The following FAM177A1 variants were observed in gnomAD, a reference collection of about 807,000 sequenced individuals.
FAM177A1 encodes protein FAM177A1.
A neutral mutation model predicts 26.1 loss-of-function variants in FAM177A1; 22 were observed. The ratio of observed to expected loss-of-function variants is 0.84; its 90% CI spans 0.60 to 1.20. The LOEUF is 1.20. FAM177A1 is among the 50% of genes most tolerant of loss of function. FAM177A1 has a pLI of 0.00. For missense variants in FAM177A1, 296 were observed against 291.1 expected (o/e 1.02, Z -0.12); for synonymous variants, 95 against 99.3 (o/e 0.96, Z 0.26).
chr14:35,046,319 C>T lies in FAM177A1; in HGVS notation c.-145C>T, dbSNP rs777535071. Reference sequence around the variant, plus strand: ...GGGGTGCGGAGCCCGGCGGGCTAGGCGAGGCGCGGGCTGGCCCCGCCCCTC... The same window carrying T: ...GGGGTGCGGAGCCCGGCGGGCTAGGTGAGGCGCGGGCTGGCCCCGCCCCTC... On this transcript the variant is annotated 5_prime_UTR_variant, in exon 1 of 5. Coordinates refer to ENST00000280987, the MANE Select transcript of FAM177A1 (RefSeq NM_173607.5). 1,686 of 995,846 alleles carry T rather than the reference C, an allele frequency of 1.7e-3. 3 individuals carry two copies. Among genetic ancestry groups the T allele is most frequent in the South Asian group, 3.2e-3 (144 of 44,696 alleles). The allele number at this position is 995,846 out of a possible 1,614,324, so 61.7% of individuals were successfully genotyped here.
chr14:35,077,240 T>A, intron 3 of FAM177A1, 24 bp downstream of exon 3: 1 of 1,605,174 alleles, frequency 6.2e-7, no homozygotes, highest in Non-Finnish European at 8.5e-7. Context: ...GCTTGAATAT[T>A]GTATAATTGC....
At chr14:35,077,280 C>A in intron 3 of FAM177A1, 64 bp downstream of exon 3, 2 of 1,440,922 alleles carry the variant, frequency 1.4e-6, no homozygotes, top group Non-Finnish European at 2.0e-6. Flanking sequence ...AGGAACTTTG[C>A]TAAATAGGAT....
chr14:35,074,429 G>A (rs1346419599), intron 2 of FAM177A1, among the ~76,000 whole-genome samples: 5 of 152,108 alleles, frequency 3.3e-5, no homozygotes, highest in East Asian at 1.9e-4. Flanking sequence ...AGATTCAAGC[G>A]ATTCTCCTGT....
chr14:35,081,928 T>C lies in FAM177A1; in HGVS notation c.*700T>C, dbSNP rs2138578260. 1 of 151,014 alleles carries C rather than the reference T, an allele frequency of 6.6e-6. No individual in the cohort carries two copies. The highest frequency in any genetic ancestry group is 1.5e-5 in the Non-Finnish European group (1 of 67,802). 9.4% of individuals were successfully genotyped at this position (151,014 alleles called of 1,614,324 possible). A position where few individuals can be genotyped will look rare whatever the true frequency, so the allele number is the denominator to read the frequency against. ...TAGATTTATTAATGTTAATACCTAG[T>C]GAATATCCATGTGGCATCCTGGTTA... On this transcript the variant is annotated 3_prime_UTR_variant, in exon 5 of 5. Coordinates refer to ENST00000280987, the MANE Select transcript of FAM177A1 (RefSeq NM_173607.5).
At chr14:35,051,097 C>T in intron 1 of FAM177A1, among the ~76,000 whole-genome samples, 2 of 152,106 alleles carry the variant, frequency 1.3e-5, no homozygotes, top group Admixed American at 1.3e-4. Context: ...CCTATGTTAC[C>T]AAATTTTATT....
chr14:35,058,742 G>T (rs187734405), intron 2 of FAM177A1, among the ~76,000 whole-genome samples: 1 of 152,088 alleles, frequency 6.6e-6, no homozygotes, highest in South Asian at 2.1e-4. Context: ...CATGCGTGGT[G>T]GCACACACCT....
At chr14:35,061,003 CTAT>C (rs1278487129) in intron 2 of FAM177A1, among the ~76,000 whole-genome samples, 2 of 151,990 alleles carry the variant, frequency 1.3e-5, no homozygotes, top group Non-Finnish European at 2.9e-5. Flanking sequence ...GATAATTGTT[CTAT>C]TATTAGCTAT....
At chr14:35,062,997 A>AAAT (rs2045183140) in intron 2 of FAM177A1, among the ~76,000 whole-genome samples, 1 of 148,466 alleles carries the variant, frequency 6.7e-6, no homozygotes, top group Non-Finnish European at 1.5e-5. Flanking sequence ...AAAAAAAAAA[A>AAAT]AGGTCGGGTG....
At chr14:35,073,539 A>G (rs2045353681) in intron 2 of FAM177A1, among the ~76,000 whole-genome samples, 1 of 152,254 alleles carries the variant, frequency 6.6e-6, no homozygotes, top group Non-Finnish European at 1.5e-5. Context: ...CTGGGTGGCC[A>G]GGAGCATTGT....
rs1167915424 is a variant in FAM177A1 at position 35,046,596 on chromosome 14, G to C, written c.133G>C (p.Ala45Pro). Reference sequence around the variant, plus strand: ...AGCCGTCGCAGCCTCGGGAGCTGCGGCCGCCGCGGCATTCGGGGAATCTGC... The same window carrying C: ...AGCCGTCGCAGCCTCGGGAGCTGCGCCCGCCGCGGCATTCGGGGAATCTGC... ...GEAVAASGAA[A>P]AAAFGESAGQ... Residue 45 changes from alanine to proline, a missense_variant, in exon 1 of 5, where the codon GCC (alanine) becomes CCC (proline). By Grantham distance (27) the Ala-to-Pro change is conservative. Coordinates refer to ENST00000280987, the MANE Select transcript of FAM177A1 (RefSeq NM_173607.5). 6.4e-7 allele frequency: 1 copy of C among 1,552,794 alleles called. No homozygotes were observed. The highest frequency in any genetic ancestry group is 8.7e-7 in the Non-Finnish European group (1 of 1,150,154).
chr14:35,082,603 A>T lies in FAM177A1; in HGVS notation c.*1375A>T, dbSNP rs1185796829. 1 of 152,156 alleles carries T rather than the reference A, an allele frequency of 6.6e-6. No individual in the cohort carries two copies. The highest frequency in any genetic ancestry group is 2.4e-5 in the African/African-American group (1 of 41,458). The allele number at this position is 152,156 out of a possible 1,614,324, so 9.4% of individuals were successfully genotyped here. Reference sequence around the variant, plus strand: ...TGTGTGTATAGAACCTTTTATCAGTATAACATTGATTTATAATTAAATGTG... The same window carrying T: ...TGTGTGTATAGAACCTTTTATCAGTTTAACATTGATTTATAATTAAATGTG... On this transcript the variant is annotated 3_prime_UTR_variant, in exon 5 of 5. Coordinates refer to ENST00000280987, the MANE Select transcript of FAM177A1 (RefSeq NM_173607.5).
intron 1 of FAM177A1, among the ~76,000 whole-genome samples, chr14:35,048,504 A>G (rs2044911043): frequency 6.6e-6 from 1 of 151,366 alleles, no homozygotes; most frequent in Middle Eastern, 3.5e-3. Context: ...AAAGGTAACT[A>G]TTAAGTTTTG....
chr14:35,066,634 A>C (rs2045245444), intron 2 of FAM177A1, among the ~76,000 whole-genome samples: 1 of 148,746 alleles, frequency 6.7e-6, no homozygotes, highest in Non-Finnish European at 1.5e-5. Flanking sequence ...CAAACTCCTG[A>C]CCTCAAGTGA....
chr14:35,081,336 T>A lies in FAM177A1; in HGVS notation c.*108T>A. ...TAATACAATTATTTATATTTTAAAT[T>A]ATTAAAGTATCTGGAAAGGGAAAAT... On this transcript the variant is annotated 3_prime_UTR_variant, in exon 5 of 5. Transcript: ENST00000280987. 1 of 1,056,408 alleles carries A rather than the reference T, an allele frequency of 9.5e-7. No homozygotes were observed. Among genetic ancestry groups the A allele is most frequent in the Non-Finnish European group, 1.3e-6 (1 of 771,042 alleles). 65.4% of individuals were successfully genotyped at this position (1,056,408 alleles called of 1,614,324 possible).
intron 2 of FAM177A1, among the ~76,000 whole-genome samples, chr14:35,060,548 T>C (rs749477168): frequency 1.3e-5 from 2 of 152,108 alleles, no homozygotes; most frequent in Non-Finnish European, 1.5e-5. Flanking sequence ...AAACTAGATA[T>C]TTTAGATTAT....
At chr14:35,061,477 T>TA (rs1253319957) in intron 2 of FAM177A1, among the ~76,000 whole-genome samples, 2 of 147,290 alleles carry the variant, frequency 1.4e-5, no homozygotes, top group African/African-American at 4.9e-5. Context: ...TTTTTTTTTT[T>TA]AGTCTTTGTT....
chr14:35,049,425 A>C (rs184189680), intron 1 of FAM177A1, among the ~76,000 whole-genome samples: 35 of 152,284 alleles, frequency 2.3e-4, no homozygotes, highest in African/African-American at 7.9e-4. Flanking sequence ...AATAAATTCT[A>C]AGTCTAGTAT....
chr14:35,058,816 C>T (rs2045102636), intron 2 of FAM177A1, among the ~76,000 whole-genome samples: 1 of 151,902 alleles, frequency 6.6e-6, no homozygotes, highest in African/African-American at 2.4e-5. Flanking sequence ...TTTGAGGCTG[C>T]AGTGAACTGG....
At chr14:35,049,032 A>C (rs948093506) in intron 1 of FAM177A1, among the ~76,000 whole-genome samples, 1 of 151,952 alleles carries the variant, frequency 6.6e-6, no homozygotes, top group Non-Finnish European at 1.5e-5. Context: ...CTAGGACTAC[A>C]GGCGCACGCA....
Sources: allele counts gnomAD v4.1 joint callset (sites outside exome capture counted in the v4.1 genomes callset), GRCh38; gene constraint gnomAD v4.1.1; transcripts MANE v1.5; gene names NCBI Gene and HGNC (gene_info 2026-07-23, HGNC 2026-07-21).